SPECC1: variants seen among roughly 807,000 people sequenced by gnomAD.
SPECC1 encodes sperm antigen with calponin homology and coiled-coil domains 1.
Under a neutral mutation model 104.1 loss-of-function variants are expected in SPECC1, and 62 were observed. The ratio of observed to expected loss-of-function variants is 0.60; its 90% CI spans 0.49 to 0.74. The LOEUF is 0.74. Ranked by LOEUF, SPECC1 falls within the 30% of genes least tolerant of loss-of-function variation. The pLI is 0.00. For missense variants in SPECC1, 1,306 were observed against 1,310.5 expected (o/e 1.00, Z 0.05); for synonymous variants, 513 against 501.6 (o/e 1.02, Z -0.30).
In SPECC1 at chr17:20,214,242, A is replaced by G. The variant is rs891185357; in HGVS notation, c.1863+8330A>G. Among the ~76,000 whole-genome samples, 9 of 152,214 alleles carry G rather than the reference A, an allele frequency of 5.9e-5. No individual in the cohort carries two copies. In the South Asian group the frequency reaches 6.2e-4, roughly 10 times the overall value. ...TTTACCAGATAAATGATTTGCAAAT[A>G]TTTCCTCTCATTCTGTGGGTTATCT... On this transcript the variant is annotated intron_variant, in intron 4 of 14. Coordinates refer to ENST00000395527, the MANE Select transcript of SPECC1 (RefSeq NM_001243439.2).
intron 3 of SPECC1, among the ~76,000 whole-genome samples, chr17:20,130,908 T>C (rs2049584975): frequency 6.6e-6 from 1 of 152,242 alleles, no homozygotes; most frequent in Non-Finnish European, 1.5e-5. Context: ...ATCAGCATTT[T>C]GTAGTTTGCG....
At chr17:20,269,605 C>T (rs1318836690) in intron 12 of SPECC1, among the ~76,000 whole-genome samples, 1 of 152,182 alleles carries the variant, frequency 6.6e-6, no homozygotes, top group East Asian at 1.9e-4. Flanking sequence ...AACTCCCGAC[C>T]TCAGGTGATC....
chr17:20,054,497 G>C (rs1274811557), intron 1 of SPECC1, among the ~76,000 whole-genome samples: 2 of 152,094 alleles, frequency 1.3e-5, no homozygotes, highest in Admixed American at 1.3e-4. Context: ...TTCTTCTGCA[G>C]TCCCCAGGGG....
intron 1 of SPECC1, among the ~76,000 whole-genome samples, chr17:20,012,679 C>G (rs1404100038): frequency 6.6e-6 from 1 of 151,614 alleles, no homozygotes; most frequent in Non-Finnish European, 1.5e-5. Context: ...ATTAGTTAAT[C>G]TTTGTCTTTT....
intron 2 of SPECC1, among the ~76,000 whole-genome samples, chr17:20,101,193 G>A (rs2047929223): frequency 6.6e-6 from 1 of 152,108 alleles, no homozygotes; most frequent in South Asian, 2.1e-4. Context: ...TAATGAGATT[G>A]CTGGGTCAAA....
intron 7 of SPECC1, among the ~76,000 whole-genome samples, chr17:20,244,428 CCAACCT>C (rs1415188415): frequency 1.3e-5 from 2 of 152,120 alleles, no homozygotes; most frequent in Non-Finnish European, 2.9e-5. Flanking sequence ...TTTTAAAAAC[CCAACCT>C]CCTACAATTT....
chr17:20,124,253 C>CG (rs1457468445), intron 3 of SPECC1, among the ~76,000 whole-genome samples: 1 of 151,764 alleles, frequency 6.6e-6, no homozygotes, highest in East Asian at 1.9e-4. Flanking sequence ...GGGGAACAGA[C>CG]GGGGGGAAGC....
intron 1 of SPECC1, among the ~76,000 whole-genome samples, chr17:20,085,876 C>T (rs971269232): frequency 4.6e-5 from 7 of 152,318 alleles, no homozygotes; most frequent in South Asian, 2.1e-4. Flanking sequence ...GTACCCACGG[C>T]GGGATGCAGA....
intron 12 of SPECC1, among the ~76,000 whole-genome samples, chr17:20,296,111 A>G (rs1598159220): frequency 6.6e-6 from 1 of 152,308 alleles, no homozygotes; most frequent in East Asian, 1.9e-4. Flanking sequence ...TATGTCCTGA[A>G]TGGTATTGCC....
chr17:20,075,723 A>C (rs2046733906), intron 1 of SPECC1, among the ~76,000 whole-genome samples: 1 of 152,152 alleles, frequency 6.6e-6, no homozygotes, highest in Admixed American at 6.5e-5. Context: ...AAACAGGTAG[A>C]TCGCTTGAGC....
At chr17:20,093,702 TTTTTTGTTTTTG>T (rs1320056461) in intron 1 of SPECC1, among the ~76,000 whole-genome samples, 13 of 148,230 alleles carry the variant, frequency 8.8e-5, no homozygotes, top group Admixed American at 3.3e-4. Context: ...ATATTGTGGG[TTTTTTGTTTTTG>T]TTTTTGTTTT....
chr17:20,270,551 C>G (rs559717692), intron 12 of SPECC1, among the ~76,000 whole-genome samples: 2 of 147,826 alleles, frequency 1.4e-5, no homozygotes, highest in South Asian at 4.4e-4. Context: ...CCCAGAAGTT[C>G]AAGGCCTCCG....
At chr17:20,241,449 G>A (rs910389825) in intron 7 of SPECC1, among the ~76,000 whole-genome samples, 1 of 152,096 alleles carries the variant, frequency 6.6e-6, no homozygotes, top group South Asian at 2.1e-4. Flanking sequence ...TCCAGCCTTG[G>A]CCCTCTAGGG....
chr17:20,280,776 A>G (rs1232022032), intron 12 of SPECC1, among the ~76,000 whole-genome samples: 1 of 152,242 alleles, frequency 6.6e-6, no homozygotes, highest in African/African-American at 2.4e-5. Context: ...AAGGTAGAAT[A>G]TAGACAGATG....
chr17:20,063,153 G>A (rs952084320), intron 1 of SPECC1, among the ~76,000 whole-genome samples: 3 of 152,104 alleles, frequency 2.0e-5, no homozygotes, highest in African/African-American at 7.2e-5. Flanking sequence ...CTGCAAGATG[G>A]GTTTAAAAAT....
intron 12 of SPECC1, among the ~76,000 whole-genome samples, chr17:20,284,442 C>A (rs1164845990): frequency 6.6e-6 from 1 of 152,218 alleles, no homozygotes; most frequent in Non-Finnish European, 1.5e-5. Flanking sequence ...CGAGGCCACT[C>A]GAGGTTTACC....
intron 3 of SPECC1, among the ~76,000 whole-genome samples, chr17:20,194,454 G>A (rs919872720): frequency 2.7e-5 from 4 of 149,840 alleles, no homozygotes; most frequent in Middle Eastern, 3.6e-3. Context: ...CAAAACCTTG[G>A]TAACATAACC....
chr17:20,091,861 C>G (rs2047416228), intron 1 of SPECC1, among the ~76,000 whole-genome samples: 1 of 152,154 alleles, frequency 6.6e-6, no homozygotes. Flanking sequence ...GAATGGTTTC[C>G]CAGTTGCCTT....
At chr17:20,229,627 T>C (rs2038448675) in intron 5 of SPECC1, among the ~76,000 whole-genome samples, 1 of 152,126 alleles carries the variant, frequency 6.6e-6, no homozygotes, top group Non-Finnish European at 1.5e-5. Context: ...TGAACCAAGA[T>C]TGTGCCACTG....
Sources: gnomAD v4.1 joint callset for allele counts (sites outside exome capture counted in the v4.1 genomes callset) on GRCh38, gnomAD v4.1.1 for gene constraint, MANE v1.5 for transcripts, NCBI Gene and HGNC (gene_info 2026-07-23, HGNC 2026-07-21) for gene names.